GALNT13: variants seen among roughly 807,000 people sequenced by gnomAD.
The protein encoded by GALNT13 is UDP-GalNAc:polypeptide N-acetylgalactosaminyltransferase 13.
GALNT13 carries 28 observed loss-of-function variants against 64.2 expected under a neutral mutation model. That is an observed-to-expected ratio of 0.44 (90% CI 0.32 to 0.60). GALNT13 has a LOEUF of 0.60. Ranked by LOEUF, GALNT13 falls within the 20% of genes least tolerant of loss-of-function variation. The pLI, the probability that GALNT13 is intolerant of heterozygous loss-of-function variation, is 0.05. For synonymous variants in GALNT13, 214 were observed against 224.6 expected (o/e 0.95, Z 0.42); for missense variants, 577 against 669.8 (o/e 0.86, Z 1.53).
intron 3 of GALNT13, among the ~76,000 whole-genome samples, chr2:154,058,829 AAGAGAGG>A (rs1161206547): frequency 6.6e-6 from 1 of 152,138 alleles, no homozygotes; most frequent in Non-Finnish European, 1.5e-5. Context: ...ACTTTGAGTG[AAGAGAGG>A]AACCATTGTA....
chr2:153,285,532 A>T, the GALNT13 span, among the ~76,000 whole-genome samples: 1 of 152,234 alleles, frequency 6.6e-6, no homozygotes, highest in Admixed American at 6.5e-5. Context: ...AGGTCAGAGT[A>T]GAAGAAAAGG....
the GALNT13 span, among the ~76,000 whole-genome samples, chr2:153,455,117 GTTTCT>G: frequency 6.6e-5 from 10 of 152,192 alleles, no homozygotes; most frequent in South Asian, 1.5e-3. Flanking sequence ...AGGATTTTCT[GTTTCT>G]TTTCTTTGTT....
chr2:153,478,715 G>A, the GALNT13 span: 4 of 676,712 alleles, frequency 5.9e-6, no homozygotes, highest in Non-Finnish European at 7.5e-6. Context: ...CTGGGCCGTG[G>A]GAGTTTCCCA....
chr2:154,446,862 T>C (rs1701607637), intron 12 of GALNT13: 2 of 1,220,392 alleles, frequency 1.6e-6, no homozygotes, highest in Non-Finnish European at 2.2e-6. Context: ...TAAGAAAAAT[T>C]TGTATGACCT....
intron 12 of GALNT13, among the ~76,000 whole-genome samples, chr2:154,441,067 C>T (rs1701269689): frequency 6.6e-6 from 1 of 152,104 alleles, no homozygotes; most frequent in Admixed American, 6.6e-5. Flanking sequence ...GCTAAACACA[C>T]TGAATCCAAG....
At chr2:153,511,477 A>G in the GALNT13 span, among the ~76,000 whole-genome samples, 1 of 152,134 alleles carries the variant, frequency 6.6e-6, no homozygotes. Context: ...TATTTCTTTT[A>G]TCTCCATGAA....
At chr2:154,418,475 A>T (rs1184945874) in intron 11 of GALNT13, among the ~76,000 whole-genome samples, 1 of 152,182 alleles carries the variant, frequency 6.6e-6, no homozygotes, top group Non-Finnish European at 1.5e-5. Flanking sequence ...AGAAAAGGTG[A>T]TGTGACCATA....
chr2:153,416,862 G>C, the GALNT13 span, among the ~76,000 whole-genome samples: 4 of 152,156 alleles, frequency 2.6e-5, no homozygotes, highest in Non-Finnish European at 5.9e-5. Flanking sequence ...TCCAACTTTT[G>C]TAGCACCTGA....
intron 9 of GALNT13, among the ~76,000 whole-genome samples, chr2:154,342,397 C>T (rs892507996): frequency 6.6e-6 from 1 of 151,962 alleles, no homozygotes; most frequent in Non-Finnish European, 1.5e-5. Flanking sequence ...CTTAAATCTC[C>T]TCTAAATTTC....
At chr2:153,543,402 C>G in the GALNT13 span, among the ~76,000 whole-genome samples, 1 of 152,164 alleles carries the variant, frequency 6.6e-6, no homozygotes, top group Non-Finnish European at 1.5e-5. Context: ...TGCTATCTTT[C>G]TCTAGAAGTA....
At chr2:154,205,492 AAATGTTAAT>A (rs1487540116) in intron 4 of GALNT13, among the ~76,000 whole-genome samples, 9 of 152,238 alleles carry the variant, frequency 5.9e-5, no homozygotes, top group Non-Finnish European at 1.3e-4. Flanking sequence ...TTATATATTG[AAATGTTAAT>A]AATTTGGGTA....
the GALNT13 span, among the ~76,000 whole-genome samples, chr2:153,408,594 C>G: frequency 6.6e-6 from 1 of 151,974 alleles, no homozygotes; most frequent in South Asian, 2.1e-4. Flanking sequence ...ACGATTGTGC[C>G]GATTTACTCG....
intron 12 of GALNT13, among the ~76,000 whole-genome samples, chr2:154,443,826 A>G (rs1701426322): frequency 6.6e-6 from 1 of 152,060 alleles, no homozygotes; most frequent in Admixed American, 6.6e-5. Flanking sequence ...TTTCTTATGT[A>G]TTTTTACATG....
chr2:153,859,975 CTAA>C, the GALNT13 span, among the ~76,000 whole-genome samples: 2 of 151,988 alleles, frequency 1.3e-5, no homozygotes, highest in South Asian at 4.1e-4. Flanking sequence ...TTCATTGGTA[CTAA>C]TAACAAAAAT....
intron 4 of GALNT13, among the ~76,000 whole-genome samples, chr2:154,202,175 T>A (rs1297272032): frequency 1.3e-5 from 2 of 152,094 alleles, no homozygotes; most frequent in African/African-American, 4.8e-5. Context: ...ATATGTAAGA[T>A]GTTAATGGAG....
chr2:153,577,501 A>G, the GALNT13 span, among the ~76,000 whole-genome samples: 1 of 152,146 alleles, frequency 6.6e-6, no homozygotes, highest in Non-Finnish European at 1.5e-5. Context: ...ATTGATAAAT[A>G]TATAAGTATC....
chr2:154,437,852 TAA>T (rs10714112), intron 11 of GALNT13: 4,867 of 116,708 alleles, frequency 0.042, 76 homozygotes, highest in South Asian at 0.12. Context: ...AGACTCCATC[TAA>T]AAAAAAAAAA....
intron 4 of GALNT13, among the ~76,000 whole-genome samples, chr2:154,236,979 A>T (rs1415156308): frequency 3.3e-5 from 5 of 151,994 alleles, no homozygotes; most frequent in African/African-American, 1.2e-4. Flanking sequence ...AATTTTTCCA[A>T]TTAATTTTTT....
At position 154,242,828 on chromosome 2, in the gene GALNT13, C is replaced by T. The variant is rs966226903; in HGVS notation, c.609C>T (p.Val203=). The T allele has an allele frequency of 3.7e-6, 6 of 1,613,986 alleles. No homozygotes were observed. In the African/African-American group the frequency reaches 4.0e-5, roughly 11 times the overall value. ...GAGCAGCTGCTTCAAAAGGGCAGGT[C>T]ATAACTTTTCTTGATGCACACTGTG... is the stretch of plus-strand genomic sequence containing the variant. The part of the protein sequence containing the change: ...LRGAAASKGQ[V]ITFLDAHCEC... The change falls in exon 6 of 13, where the codon GTC becomes GTT. Residue 203 remains valine (V), a synonymous_variant. Transcript: ENST00000392825.
Sources: gnomAD v4.1 joint callset for allele counts (sites outside exome capture counted in the v4.1 genomes callset) on GRCh38, gnomAD v4.1.1 for gene constraint, MANE v1.5 for transcripts, NCBI Gene and HGNC (gene_info 2026-07-23, HGNC 2026-07-21) for gene names.